The following CMIP variants were observed in gnomAD, a reference collection of about 807,000 sequenced individuals.
CMIP encodes c-Maf inducing protein.
Under a neutral mutation model 97.3 loss-of-function variants are expected in CMIP, and 13 were observed. That is an observed-to-expected ratio of 0.13 (90% CI 0.09 to 0.21). The LOEUF (loss-of-function observed/expected upper bound fraction) is 0.21. Among genes scored for constraint, CMIP ranks in the 10% least tolerant of loss-of-function variants. The pLI, the probability that CMIP is intolerant of heterozygous loss-of-function variation, is 1.00. For missense variants in CMIP, 847 were observed against 1,024.9 expected, an observed-to-expected ratio of 0.83 and a Z score of 2.37; for synonymous variants, 538 against 436.3, an observed-to-expected ratio of 1.23 and a Z score of -2.91.
At position 81,707,810 on chromosome 16, in the gene CMIP, G is replaced by A. The variant is rs375913390; in HGVS notation, c.2268+726G>A. Among the ~76,000 whole-genome samples the A allele has an allele frequency of 4.9e-4, 75 of 152,380 alleles. 1 individual carries two copies. The highest frequency in any genetic ancestry group is 1.7e-3 in the African/African-American group (69 of 41,600). The stretch of plus-strand genomic sequence containing the variant: ...CAGCTGCCCCAGAAGGAGCGGGCGG[G>A]ACTGGCAGAGGGCCAGCATCCTGGG... On this transcript the variant is annotated intron_variant, in intron 20 of 20. Coordinates refer to ENST00000537098, the MANE Select transcript of CMIP (RefSeq NM_198390.3).
At chr16:81,506,449 C>G (rs866741239) in intron 1 of CMIP, among the ~76,000 whole-genome samples, 1 of 152,180 alleles carries the variant, frequency 6.6e-6, no homozygotes, top group African/African-American at 2.4e-5. Flanking sequence ...TTCTTCCTTA[C>G]ATTGCAATTT....
rs150510121 is a variant in CMIP, at chr16:81,541,622, G to T, written c.301-65945G>T. Among the ~76,000 whole-genome samples the T allele has an allele frequency of 2.6e-3, 399 of 152,344 alleles. 2 individuals carry two copies. Among genetic ancestry groups the T allele is most frequent in the African/African-American group, 9.1e-3 (379 of 41,578 alleles). ...CTTATGAAATATGAGCGTGAAGAGA[G>T]AACGGCTGTCTTTATGAAAGCTGAA... On this transcript the variant is annotated intron_variant, in intron 1 of 20. Coordinates refer to ENST00000537098, the MANE Select transcript of CMIP (RefSeq NM_198390.3).
chr16:81,530,530 G>A (rs919637683), intron 1 of CMIP, among the ~76,000 whole-genome samples: 2 of 152,156 alleles, frequency 1.3e-5, no homozygotes, highest in East Asian at 3.9e-4. Context: ...GGCACCCCTG[G>A]CAGCTGACTT....
chr16:81,688,739 A>G (rs1237957791), intron 10 of CMIP, among the ~76,000 whole-genome samples: 1 of 152,134 alleles, frequency 6.6e-6, no homozygotes, highest in Non-Finnish European at 1.5e-5. Flanking sequence ...TACATGTACC[A>G]TGTTGATGTG....
At chr16:81,519,484 C>G (rs1441642993) in intron 1 of CMIP, 1 of 152,280 alleles carries the variant, frequency 6.6e-6, no homozygotes, top group Non-Finnish European at 1.5e-5. Flanking sequence ...CAGGCACACC[C>G]TTGCTGGGCC....
intron 2 of CMIP, chr16:81,620,343 G>C (rs1055486566): frequency 6.5e-6 from 1 of 153,154 alleles, no homozygotes; most frequent in Non-Finnish European, 1.5e-5. Context: ...GCTACCCTGG[G>C]TCTGAATGCA....
intron 19 of CMIP, among the ~76,000 whole-genome samples, chr16:81,706,681 G>A (rs1908184345): frequency 6.6e-6 from 1 of 152,220 alleles, no homozygotes; most frequent in South Asian, 2.1e-4. Context: ...TCCCTTAGTG[G>A]GGAGGCCTCG....
At chr16:81,537,509 TG>T (rs1436326833) in intron 1 of CMIP, among the ~76,000 whole-genome samples, 1 of 132,544 alleles carries the variant, frequency 7.5e-6, no homozygotes, top group East Asian at 2.3e-4. Context: ...TACTCCAGCT[TG>T]GGTGACAGAG....
intron 1 of CMIP, among the ~76,000 whole-genome samples, chr16:81,498,029 C>T (rs953208758): frequency 6.6e-6 from 1 of 152,218 alleles, no homozygotes; most frequent in Non-Finnish European, 1.5e-5. Context: ...TTGGTCTGTT[C>T]ATTCATTCAT....
At chr16:81,630,191 T>G (rs932585655) in intron 3 of CMIP, 1 of 152,314 alleles carries the variant, frequency 6.6e-6, no homozygotes, top group East Asian at 1.9e-4. Flanking sequence ...CTGTTCAGTA[T>G]TTAGAATAGC....
chr16:81,639,439 A>G (rs932508584), intron 3 of CMIP, among the ~76,000 whole-genome samples: 2 of 151,924 alleles, frequency 1.3e-5, no homozygotes, highest in Non-Finnish European at 2.9e-5. Flanking sequence ...GGCATCCACC[A>G]TTCTGCTTTC....
At chr16:81,503,214 C>T (rs576773033) in intron 1 of CMIP, among the ~76,000 whole-genome samples, 8 of 152,252 alleles carry the variant, frequency 5.3e-5, no homozygotes, top group East Asian at 3.9e-4. Context: ...CCAGGGAAAC[C>T]GGGATACATG....
chr16:81,565,066 A>G (rs1229468638), intron 1 of CMIP, among the ~76,000 whole-genome samples: 1 of 152,008 alleles, frequency 6.6e-6, no homozygotes, highest in African/African-American at 2.4e-5. Context: ...AGACCCTTCA[A>G]GCGGGGCCTT....
At chr16:81,533,369 T>C (rs1229017376) in intron 1 of CMIP, among the ~76,000 whole-genome samples, 5 of 152,244 alleles carry the variant, frequency 3.3e-5, no homozygotes, top group African/African-American at 1.2e-4. Flanking sequence ...ACTTTGTCCA[T>C]TGGAATAAAG....
chr16:81,577,474 C>T (rs142885580), intron 1 of CMIP, among the ~76,000 whole-genome samples: 1 of 72,586 alleles, frequency 1.4e-5, no homozygotes, highest in Non-Finnish European at 4.5e-5. Context: ...TCCCCATTAC[C>T]ACTATATTAT....
At chr16:81,580,101 C>G (rs569853718) in intron 1 of CMIP, among the ~76,000 whole-genome samples, 6 of 152,344 alleles carry the variant, frequency 3.9e-5, no homozygotes, top group African/African-American at 9.6e-5. Context: ...AGAGTTCATT[C>G]TCCCCTTAAG....
intron 3 of CMIP, among the ~76,000 whole-genome samples, chr16:81,651,878 T>C (rs2092432569): frequency 6.6e-6 from 1 of 152,132 alleles, no homozygotes; most frequent in South Asian, 2.1e-4. Flanking sequence ...TGTACCTCGG[T>C]TTCTTCATCC....
chr16:81,595,165 C>T (rs2091533339), intron 1 of CMIP, among the ~76,000 whole-genome samples: 2 of 151,750 alleles, frequency 1.3e-5, no homozygotes, highest in South Asian at 4.1e-4. Context: ...CCAGGTTGTA[C>T]AACAATCACT....
intron 1 of CMIP, among the ~76,000 whole-genome samples, chr16:81,600,032 G>A (rs1012596964): frequency 1.3e-5 from 2 of 151,988 alleles, no homozygotes; most frequent in Admixed American, 6.6e-5. Context: ...TGTAATCCCA[G>A]CACTTTGGGA....
Sources: allele counts gnomAD v4.1 joint callset (sites outside exome capture counted in the v4.1 genomes callset), GRCh38; gene constraint gnomAD v4.1.1; transcripts MANE v1.5; gene names NCBI Gene and HGNC (gene_info 2026-07-23, HGNC 2026-07-21).